ZNF362: variants seen among roughly 807,000 people sequenced by gnomAD.
ZNF362 encodes the protein zinc finger protein 362.
A neutral mutation model predicts 42.9 loss-of-function variants in ZNF362; 11 were observed. The ratio of observed to expected loss-of-function variants is 0.26; its 90% CI spans 0.16 to 0.42. The LOEUF is 0.42. Among genes scored for constraint, ZNF362 ranks in the 20% least tolerant of loss-of-function variants. The pLI is 1.00. For synonymous variants in ZNF362, 255 were observed against 257.3 expected (o/e 0.99, Z 0.09); for missense variants, 362 against 576.2 (o/e 0.63, Z 3.81).
chr1:33,213,680 A>C, the ZNF362 span, among the ~76,000 whole-genome samples: 1 of 152,104 alleles, frequency 6.6e-6, no homozygotes, highest in Admixed American at 6.5e-5. Flanking sequence ...CCCCATCTCT[A>C]CTAAAAATAT....
At chr1:33,144,397 C>G in the ZNF362 span, among the ~76,000 whole-genome samples, 1 of 152,196 alleles carries the variant, frequency 6.6e-6, no homozygotes, top group Non-Finnish European at 1.5e-5. Context: ...CTTGGCCTCC[C>G]AAAGTGTTGG....
In ZNF362 at chr1:33,276,178, G is replaced by A. The variant is rs201391071; in HGVS notation, c.102+15G>A. 4.9e-5 allele frequency: 79 copies of A among 1,612,604 alleles called. No homozygotes were observed. The East Asian group carries it at 4.9e-4, about 10-fold the overall frequency. The stretch of plus-strand genomic sequence containing the variant: ...TGCCCAGCCAGGTAAGACTGACGTC[G>A]CCCCTCCGGCTGCCCTACCCTCCTT... On this transcript the variant is annotated intron_variant, in intron 3 of 8. Coordinates refer to ENST00000539719, the MANE Select transcript of ZNF362 (RefSeq NM_152493.3).
the ZNF362 span, among the ~76,000 whole-genome samples, chr1:33,166,482 G>C: frequency 5.3e-5 from 8 of 152,202 alleles, no homozygotes; most frequent in African/African-American, 1.9e-4. Flanking sequence ...GGCTACAGTG[G>C]GCTGGGCACA....
intron 4 of ZNF362, among the ~76,000 whole-genome samples, chr1:33,276,803 C>T (rs1238464956): frequency 6.6e-6 from 1 of 152,250 alleles, no homozygotes; most frequent in East Asian, 1.9e-4. Flanking sequence ...AAGGACCCTT[C>T]TCCCCCCAGT....
At position 33,280,994 on chromosome 1, in the gene ZNF362, G is replaced by C. The variant is rs940474015; in HGVS notation, c.683+537G>C. On this transcript the variant is annotated intron_variant, in intron 5 of 8. Transcript: ENST00000539719. The surrounding 1 kb of genome is among the most constrained non-coding windows in gnomAD (Gnocchi z 5.6). ...TGAGGCAAGAGAATAACTCGAACTT[G>C]GGAGGCAGAGGCTGCAGTGAGCCGA... Among the ~76,000 whole-genome samples the C allele has an allele frequency of 5.3e-5, 8 of 152,118 alleles. No individual in the cohort carries two copies. The highest frequency in any genetic ancestry group is 1.0e-4 in the Non-Finnish European group (7 of 68,012).
chr1:33,165,886 A>T, the ZNF362 span: 16 of 209,170 alleles, frequency 7.6e-5, no homozygotes, highest in Admixed American at 1.2e-4. This position sits in a 1 kb window ranked among gnomAD's most constrained non-coding sequence, Gnocchi z 4.0. Context: ...CTTAGAATTA[A>T]GGCAGGGGTC....
the ZNF362 span, among the ~76,000 whole-genome samples, chr1:33,185,470 C>T: frequency 3.9e-5 from 6 of 152,192 alleles, no homozygotes; most frequent in Admixed American, 3.3e-4. Flanking sequence ...GATCTGCCTG[C>T]CTTGGCCTCC....
At chr1:33,286,519 T>C (rs1646034145) in intron 6 of ZNF362, among the ~76,000 whole-genome samples, 1 of 152,096 alleles carries the variant, frequency 6.6e-6, no homozygotes, top group Non-Finnish European at 1.5e-5. Flanking sequence ...CTCTCTCTCT[T>C]TTGGACTAAT....
chr1:33,129,545 T>G, the ZNF362 span, among the ~76,000 whole-genome samples: 1 of 152,206 alleles, frequency 6.6e-6, no homozygotes, highest in African/African-American at 2.4e-5. The surrounding 1 kb of genome is among the most constrained non-coding windows in gnomAD (Gnocchi z 4.1). Flanking sequence ...GCATTGTGCA[T>G]GCACTCAGCT....
Position 33,288,743 on chromosome 1 carries a change from C to CAAAAAAAAAAAAAAAAAAAAAAAAAA in ZNF362, c.909-6175_909-6174insAAAAAAAAAAAAAAAAAAAAAAAAAA, listed in dbSNP as rs60197226. 2.2e-4 allele frequency among the ~76,000 whole-genome samples: 6 copies of CAAAAAAAAAAAAAAAAAAAAAAAAAA among 27,356 alleles called. 2 individuals carry two copies. Among genetic ancestry groups the CAAAAAAAAAAAAAAAAAAAAAAAAAA allele is most frequent in the East Asian group, 1.5e-3 (1 of 650 alleles). The allele number at this position is 27,356 out of a possible 152,430, so 17.9% of individuals were successfully genotyped here. A position where few individuals can be genotyped will look rare whatever the true frequency, so the allele number is the denominator to read the frequency against. On this transcript the variant is annotated intron_variant, in intron 6 of 8. Coordinates refer to ENST00000539719, the MANE Select transcript of ZNF362 (RefSeq NM_152493.3). ...TCGGCGATAGAGCGAGACTCTGTCTCAAAAAAAAAAAAAAAAAAAGAAGCG... is the reference window on the plus strand; with the variant it reads ...TCGGCGATAGAGCGAGACTCTGTCTCAAAAAAAAAAAAAAAAAAAAAAAAAAAAAAAAAAAAAAAAAAAAAGAAGCG...
At chr1:33,254,312 T>C (rs1416992124), upstream of ZNF362, among the ~76,000 whole-genome samples, 3 of 152,094 alleles carry the variant, frequency 2.0e-5, no homozygotes, top group Non-Finnish European at 4.4e-5. Flanking sequence ...TTAGTAGAGA[T>C]GGGGTTTCAC....
the ZNF362 span, among the ~76,000 whole-genome samples, chr1:33,166,624 G>A: frequency 6.6e-6 from 1 of 152,176 alleles, no homozygotes; most frequent in African/African-American, 2.4e-5. Flanking sequence ...ATAGCATACA[G>A]ATAAACATAT....
chr1:33,223,550 T>C, the ZNF362 span, among the ~76,000 whole-genome samples: 378 of 152,344 alleles, frequency 2.5e-3, 2 homozygotes, highest in African/African-American at 8.9e-3. Flanking sequence ...ATAGCACTTT[T>C]CAGAGTTTGT....
chr1:33,216,599 CAAAAAAA>C, the ZNF362 span, among the ~76,000 whole-genome samples: 1 of 71,898 alleles, frequency 1.4e-5, no homozygotes, highest in East Asian at 4.0e-4. Context: ...GACTCTGTCT[CAAAAAAA>C]AAAAAAAAAA....
chr1:33,177,063 A>ATGCACACACATG, the ZNF362 span, among the ~76,000 whole-genome samples: 2 of 64,164 alleles, frequency 3.1e-5, no homozygotes, highest in African/African-American at 1.1e-4. The surrounding 1 kb of genome is among the most constrained non-coding windows in gnomAD (Gnocchi z 4.1). Context: ...ACACACACAC[A>ATGCACACACATG]CATGCACACA....
the ZNF362 span, among the ~76,000 whole-genome samples, chr1:33,214,841 C>T: frequency 6.6e-6 from 1 of 152,088 alleles, no homozygotes; most frequent in African/African-American, 2.4e-5. Flanking sequence ...AAAAGACAGG[C>T]AATAACAAAT....
At chr1:33,184,997 T>C in the ZNF362 span, among the ~76,000 whole-genome samples, 3 of 152,040 alleles carry the variant, frequency 2.0e-5, no homozygotes, top group Non-Finnish European at 4.4e-5. Context: ...GTCAGGCTGG[T>C]CTCAAACTCC....
the ZNF362 span, among the ~76,000 whole-genome samples, chr1:33,183,288 T>C: frequency 6.6e-6 from 1 of 152,232 alleles, no homozygotes; most frequent in Non-Finnish European, 1.5e-5. Flanking sequence ...TCTTCATTGG[T>C]GTTAAACTTT....
the ZNF362 span, chr1:33,159,791 G>C: frequency 6.2e-7 from 1 of 1,613,884 alleles, no homozygotes; most frequent in Non-Finnish European, 8.5e-7. The surrounding 1 kb of genome is among the most constrained non-coding windows in gnomAD (Gnocchi z 4.2). Flanking sequence ...CGCAGCTGCT[G>C]GCTGTAGCGC....
Sources: allele counts gnomAD v4.1 joint callset (sites outside exome capture counted in the v4.1 genomes callset), GRCh38; gene constraint gnomAD v4.1.1; non-coding constraint Gnocchi (gnomAD v3.1); transcripts MANE v1.5; gene names NCBI Gene and HGNC (gene_info 2026-07-23, HGNC 2026-07-21).